FBXO34: variants seen among roughly 807,000 people sequenced by gnomAD.
FBXO34 encodes the protein F-box only protein 34.
FBXO34 carries 12 observed loss-of-function variants against 24.5 expected under a neutral mutation model. The observed-to-expected ratio is 0.49, with a 90% CI of 0.31 to 0.79. The LOEUF (loss-of-function observed/expected upper bound fraction) is 0.79, where lower values mean the gene tolerates loss of function less well. Ranked by LOEUF, FBXO34 falls within the 30% of genes least tolerant of loss-of-function variation. FBXO34 has a pLI of 0.04. For missense variants in FBXO34, 823 were observed against 857.7 expected (o/e 0.96, Z 0.51); for synonymous variants, 320 against 311.9 (o/e 1.03, Z -0.27).
At chr14:55,428,844 G>C in the FBXO34 span, 1 of 1,614,106 alleles carries the variant, frequency 6.2e-7, no homozygotes, top group Non-Finnish European at 8.5e-7. Flanking sequence ...AAACCTTCCA[G>C]CCTGATGGGA....
chr14:55,394,322 T>C, the FBXO34 span, among the ~76,000 whole-genome samples: 3 of 152,194 alleles, frequency 2.0e-5, no homozygotes, highest in Admixed American at 2.0e-4. Context: ...TCCTTCATAA[T>C]TGAGATTTCA....
intron 1 of FBXO34, among the ~76,000 whole-genome samples, chr14:55,342,619 G>A (rs1481771528): frequency 6.6e-6 from 1 of 152,122 alleles, no homozygotes; most frequent in African/African-American, 2.4e-5. Flanking sequence ...ACATGGAGGG[G>A]GAAGTCTTTT....
At chr14:55,430,836 A>G in the FBXO34 span, among the ~76,000 whole-genome samples, 11 of 152,180 alleles carry the variant, frequency 7.2e-5, no homozygotes, top group East Asian at 1.9e-4. Flanking sequence ...AACTGTTTCC[A>G]TTTTGAACTA....
the FBXO34 span, among the ~76,000 whole-genome samples, chr14:55,402,817 T>C: frequency 1.5e-5 from 2 of 135,670 alleles, no homozygotes; most frequent in Non-Finnish European, 3.1e-5. Flanking sequence ...CTCAACACTT[T>C]AGGGAGCCTG....
intron 1 of FBXO34, among the ~76,000 whole-genome samples, chr14:55,272,899 G>C (rs6573015): frequency 0.99 from 151,494 of 152,368 alleles, 75,313 homozygotes; most frequent in East Asian, 1. Context: ...TATGAAATTA[G>C]AGAATAAAAA....
chr14:55,369,428 C>G (rs1884760323), downstream of FBXO34: 1 of 478,440 alleles, frequency 2.1e-6, no homozygotes, highest in Admixed American at 3.8e-5. Context: ...TTATCATAAG[C>G]ATGTTGGTCA....
rs1164543074 is a variant in FBXO34 at position 55,350,625 on chromosome 14, G to A, written c.235G>A (p.Val79Ile). 1 of 1,613,254 alleles carries A rather than the reference G, an allele frequency of 6.2e-7. No homozygotes were observed. The highest frequency in any genetic ancestry group is 1.3e-5 in the African/African-American group (1 of 74,806). ...VLCSMSGKSP[V>I]ESSLNVKTKK... ...GTGCAGTATGAGTGGGAAGAGTCCTGTAGAGAGCAGCTTGAATGTTAAAAC... is the reference window on the plus strand; with the variant it reads ...GTGCAGTATGAGTGGGAAGAGTCCTATAGAGAGCAGCTTGAATGTTAAAAC... Residue 79 changes from valine to isoleucine, a missense_variant, in exon 2 of 2, where the codon GTA becomes ATA. Transcript: ENST00000313833.
At chr14:55,281,408 CG>C (rs201581291) in intron 1 of FBXO34, among the ~76,000 whole-genome samples, 1,560 of 152,188 alleles carry the variant, frequency 0.01, 22 homozygotes, top group African/African-American at 0.035. Flanking sequence ...GTCTCTATGA[CG>C]TTTTTTTATA....
intron 1 of FBXO34, among the ~76,000 whole-genome samples, chr14:55,274,728 C>T (rs1039275140): frequency 2.6e-5 from 4 of 152,108 alleles, no homozygotes; most frequent in Admixed American, 6.5e-5. Flanking sequence ...AATTTATGTT[C>T]AGCTAGCTTA....
At chr14:55,417,227 G>A in the FBXO34 span, among the ~76,000 whole-genome samples, 1 of 152,086 alleles carries the variant, frequency 6.6e-6, no homozygotes, top group African/African-American at 2.4e-5. Flanking sequence ...CGTGTAACCG[G>A]TGTTCCTTCC....
chr14:55,298,239 A>C (rs558692954), intron 1 of FBXO34, among the ~76,000 whole-genome samples: 1 of 151,850 alleles, frequency 6.6e-6, no homozygotes. Context: ...AAGCTCATCA[A>C]ATATCGTTAG....
At chr14:55,429,522 G>A in the FBXO34 span, among the ~76,000 whole-genome samples, 1 of 152,188 alleles carries the variant, frequency 6.6e-6, no homozygotes, top group African/African-American at 2.4e-5. Context: ...CCAGCACTTT[G>A]GGAGGCTGAG....
chr14:55,380,132 C>T, the FBXO34 span, among the ~76,000 whole-genome samples: 45,856 of 151,882 alleles, frequency 0.3, 7,223 homozygotes, highest in Non-Finnish European at 0.33. Context: ...CCTGTAATCC[C>T]AGCTACACAG....
At chr14:55,386,234 A>T in the FBXO34 span, 1 of 693,834 alleles carries the variant, frequency 1.4e-6, no homozygotes, top group Non-Finnish European at 2.4e-6. Context: ...ATGTTCACTA[A>T]GTGGAAAATT....
intron 1 of FBXO34, chr14:55,318,314 C>A (rs1391603415): frequency 1.0e-5 from 1 of 99,816 alleles, no homozygotes; most frequent in African/African-American, 4.1e-5. Flanking sequence ...CATAGCCAAT[C>A]CCCTGTTGGT....
the FBXO34 span, among the ~76,000 whole-genome samples, chr14:55,387,124 T>A: frequency 6.6e-6 from 1 of 152,096 alleles, no homozygotes; most frequent in Non-Finnish European, 1.5e-5. Context: ...CTTCATGCCC[T>A]CTTTCACTTG....
At chr14:55,391,032 C>G in the FBXO34 span, 2 of 1,408,078 alleles carry the variant, frequency 1.4e-6, no homozygotes, top group African/African-American at 2.9e-5. Context: ...ACGTTGGTCT[C>G]TTATGGTTAA....
At chr14:55,411,469 G>C in the FBXO34 span, 2 of 896,112 alleles carry the variant, frequency 2.2e-6, no homozygotes, top group African/African-American at 3.4e-5. Context: ...AGAGCAGCTA[G>C]CTACACTCCC....
chr14:55,305,704 A>C (rs977023118), intron 1 of FBXO34, among the ~76,000 whole-genome samples: 1 of 152,008 alleles, frequency 6.6e-6, no homozygotes, highest in African/African-American at 2.4e-5. Flanking sequence ...CTACAACAGG[A>C]GTCGTACAGG....
Sources: allele counts gnomAD v4.1 joint callset (sites outside exome capture counted in the v4.1 genomes callset), GRCh38; gene constraint gnomAD v4.1.1; transcripts MANE v1.5; gene names NCBI Gene and HGNC (gene_info 2026-07-23, HGNC 2026-07-21).